PCDHA1: variants seen among roughly 807,000 people sequenced by gnomAD.
PCDHA1 encodes the protein protocadherin alpha-1.
Under a neutral mutation model 61.3 loss-of-function variants are expected in PCDHA1, and 42 were observed. The observed-to-expected ratio is 0.69, with a 90% CI of 0.54 to 0.89. The LOEUF (loss-of-function observed/expected upper bound fraction) is 0.89. Among genes scored for constraint, PCDHA1 ranks in the 40% least tolerant of loss-of-function variants. The pLI is 0.00. For synonymous variants in PCDHA1, 610 were observed against 553.8 expected (o/e 1.10, Z -1.43); for missense variants, 1,256 against 1,235.3 (o/e 1.02, Z -0.25).
At chr5:140,990,155 G>GT (rs1274867030) in intron 3 of PCDHA1, among the ~76,000 whole-genome samples, 4 of 152,076 alleles carry the variant, frequency 2.6e-5, no homozygotes, top group African/African-American at 9.7e-5. Context: ...ATAATAGAAA[G>GT]TTAGGGTATG....
intron 1 of PCDHA1, among the ~76,000 whole-genome samples, chr5:140,790,791 T>C (rs1761600249): frequency 6.6e-6 from 1 of 152,252 alleles, no homozygotes; most frequent in Non-Finnish European, 1.5e-5. Context: ...TCTAGGTTAG[T>C]TGAGTGTATT....
intron 1 of PCDHA1, chr5:140,876,225 G>C: frequency 1.2e-6 from 2 of 1,613,982 alleles, no homozygotes; most frequent in Non-Finnish European, 1.7e-6. Context: ...AAGTAGTGTT[G>C]TCTGAAAATG....
chr5:140,822,804 T>A (rs2150119466), intron 1 of PCDHA1: 1 of 1,614,204 alleles, frequency 6.2e-7, no homozygotes, highest in South Asian at 1.1e-5. Context: ...TGGATGTGAA[T>A]GATAATACCC....
At chr5:140,837,816 A>G (rs1775270589) in intron 1 of PCDHA1, among the ~76,000 whole-genome samples, 1 of 151,680 alleles carries the variant, frequency 6.6e-6, no homozygotes, top group Non-Finnish European at 1.5e-5. Flanking sequence ...AGCTGGGAAT[A>G]CAGTTTGCAT....
intron 1 of PCDHA1, among the ~76,000 whole-genome samples, chr5:140,944,406 C>T (rs1003379783): frequency 2.0e-5 from 3 of 152,084 alleles, no homozygotes; most frequent in Non-Finnish European, 2.9e-5. Flanking sequence ...AGGCTGGTCT[C>T]GAACTCCTGA....
rs149166530 is a variant in PCDHA1, at chr5:140,990,443, A to G, written c.2542+7880A>G. Among the ~76,000 whole-genome samples the G allele has an allele frequency of 8.3e-4, 127 of 152,344 alleles. 2 individuals carry two copies. The East Asian group carries it at 0.024, about 29-fold the overall frequency. On this transcript the variant is annotated intron_variant, in intron 3 of 3. Transcript: ENST00000504120. ...CCAGCATTGACCCAATCTTGTGTCC[A>G]GAGCTGTTGCTGTAGGTGGTATCAT...
intron 1 of PCDHA1, chr5:140,796,573 G>A (rs782549196): frequency 6.2e-7 from 1 of 1,613,202 alleles, no homozygotes; most frequent in South Asian, 1.1e-5. Context: ...CCAGGTGAGC[G>A]CGCGGGATGC....
At chr5:140,906,494 G>C (rs1327823813) in intron 1 of PCDHA1, among the ~76,000 whole-genome samples, 4 of 152,196 alleles carry the variant, frequency 2.6e-5, no homozygotes, top group African/African-American at 9.7e-5. Context: ...GCACAAACAT[G>C]TTTTTAACAA....
chr5:140,905,652 T>A (rs1554192111), intron 1 of PCDHA1, among the ~76,000 whole-genome samples: 1 of 152,240 alleles, frequency 6.6e-6, no homozygotes, highest in East Asian at 1.9e-4. Flanking sequence ...CAGTATTGAT[T>A]CCTGTCATCC....
rs543899552 is a variant in PCDHA1 at position 140,891,287 on chromosome 5, A to T, written c.2395-87662A>T. ...AATTTTTCCGTAAGTTATTGGGGGT[A>T]CAGGTGGTATTTGATTACATGAGTA... is the stretch of plus-strand genomic sequence containing the variant. On this transcript the variant is annotated intron_variant, in intron 1 of 3. Transcript: ENST00000504120. 3.9e-5 allele frequency among the ~76,000 whole-genome samples: 6 copies of T among 152,176 alleles called. No individual in the cohort carries two copies. In the South Asian group the frequency reaches 6.2e-4, roughly 16 times the overall value.
chr5:140,794,365 C>A (rs1365648323), intron 1 of PCDHA1, among the ~76,000 whole-genome samples: 1 of 152,138 alleles, frequency 6.6e-6, no homozygotes, highest in Non-Finnish European at 1.5e-5. Context: ...GGACATTGTG[C>A]TAAGTGAAAT....
rs782622769 is a variant in PCDHA1, at chr5:140,786,587, C to T, written c.297C>T (p.Ser99=). Residue 99 remains serine (S), a synonymous_variant, in exon 1 of 4, where the codon AGC becomes AGT. Coordinates refer to ENST00000504120, the MANE Select transcript of PCDHA1 (RefSeq NM_018900.4). ...ATCGCGAGGAGCTGTGCCAGTGGAG[C>T]GCGGAGTGCAGCATCCACCTGGAGT... ...RIDREELCQW[S]AECSIHLELI... 6.2e-6 allele frequency: 10 copies of T among 1,614,218 alleles called. No individual in the cohort carries two copies. The highest frequency in any genetic ancestry group is 8.5e-6 in the Non-Finnish European group (10 of 1,180,038).
Position 140,787,550 on chromosome 5 carries a change from C to G in PCDHA1, c.1260C>G (p.Val420=). Residue 420 remains valine, a synonymous_variant, in exon 1 of 4, where the codon GTC becomes GTG. Coordinates refer to ENST00000504120, the MANE Select transcript of PCDHA1 (RefSeq NM_018900.4). ...CCCTGGATCGCGAGAGCCTGTCGGT[C>G]TATGAGCTGGTGGTGACCGCGCGGG... ...DSALDRESLS[V]YELVVTARDG... 1.2e-6 allele frequency: 2 copies of G among 1,614,248 alleles called. No homozygotes were observed. Among genetic ancestry groups the G allele is most frequent in the Non-Finnish European group, 1.7e-6 (2 of 1,180,044 alleles).
intron 1 of PCDHA1, among the ~76,000 whole-genome samples, chr5:140,945,166 T>C (rs145739178): frequency 2.6e-5 from 4 of 152,112 alleles, no homozygotes; most frequent in African/African-American, 9.6e-5. Context: ...TTGAACTATC[T>C]GAAAAATAAA....
intron 1 of PCDHA1, chr5:140,866,274 A>G (rs1554160163): frequency 6.6e-6 from 1 of 152,156 alleles, no homozygotes; most frequent in African/African-American, 2.4e-5. Flanking sequence ...GTGAATAAAG[A>G]CAGTGTTTGG....
At chr5:140,838,277 C>T (rs1372363386) in intron 1 of PCDHA1, among the ~76,000 whole-genome samples, 8 of 74,794 alleles carry the variant, frequency 1.1e-4, no homozygotes, top group East Asian at 6.5e-4. Flanking sequence ...CCAAGCCATG[C>T]TAATTTTTTT....
At chr5:140,854,174 A>AAAAAGAGT in intron 1 of PCDHA1, 1 of 680,558 alleles carries the variant, frequency 1.5e-6, no homozygotes, top group Non-Finnish European at 1.8e-6. Context: ...AAAAAAAAAA[A>AAAAAGAGT]AAGAGTAGTT....
At position 140,787,149 on chromosome 5, in the gene PCDHA1, C is replaced by T. The variant is rs144952734; in HGVS notation, c.859C>T (p.Arg287Cys). 10 of 1,613,628 alleles carry T rather than the reference C, an allele frequency of 6.2e-6. No homozygotes were observed. The African/African-American group carries it at 8.0e-5, about 13-fold the overall frequency. ...VVFSFDSGIS[R>C]DIQEKFKVDS... ...CTTTTCCTTTGACAGTGGTATTTCT[C>T]GTGACATTCAAGAAAAATTCAAAGT... Residue 287 changes from arginine to cysteine, a missense_variant, in exon 1 of 4, where the codon CGT becomes TGT. Transcript: ENST00000504120.
At chr5:140,830,386 C>G (rs1771037269) in intron 1 of PCDHA1, 10 of 1,614,032 alleles carry the variant, frequency 6.2e-6, no homozygotes, top group Non-Finnish European at 8.5e-6. Flanking sequence ...AGGGCCCACC[C>G]AAGATGGATC....
Sources: gnomAD v4.1 joint callset for allele counts (sites outside exome capture counted in the v4.1 genomes callset) on GRCh38, gnomAD v4.1.1 for gene constraint, MANE v1.5 for transcripts, NCBI Gene and HGNC (gene_info 2026-07-23, HGNC 2026-07-21) for gene names.